The following ADAM17 variants were observed in gnomAD, a reference collection of about 807,000 sequenced individuals.
ADAM17 encodes the protein disintegrin and metalloproteinase domain-containing protein 17.
In ADAM17, 39 loss-of-function variants were observed where a neutral mutation model predicts 96.7. The ratio of observed to expected loss-of-function variants is 0.40; its 90% CI spans 0.31 to 0.53. The LOEUF (loss-of-function observed/expected upper bound fraction) is 0.53, where lower values mean the gene tolerates loss of function less well. Among genes scored for constraint, ADAM17 ranks in the 20% least tolerant of loss-of-function variants. ADAM17 has a pLI of 0.44. For synonymous variants in ADAM17, 344 were observed against 359.2 expected, an observed-to-expected ratio of 0.96 and a Z score of 0.48; for missense variants, 777 against 1,013.2, an observed-to-expected ratio of 0.77 and a Z score of 3.17.
At chr2:9,494,847 A>G (rs758880988) in intron 14 of ADAM17, 80 bp from the exon 15 acceptor site, 8 of 1,545,056 alleles carry the variant, frequency 5.2e-6, no homozygotes, top group South Asian at 4.7e-5. Flanking sequence ...CTCCCTGACC[A>G]TGCTCCCAAA....
intron 13 of ADAM17, among the ~76,000 whole-genome samples, chr2:9,500,467 T>C (rs1662932597): frequency 6.6e-6 from 1 of 152,192 alleles, no homozygotes; most frequent in Non-Finnish European, 1.5e-5. Flanking sequence ...AATGTAAATG[T>C]TCTAAAATTA....
At chr2:9,521,539 A>G (rs921700384) in intron 7 of ADAM17, 3 of 217,474 alleles carry the variant, frequency 1.4e-5, no homozygotes, top group South Asian at 1.4e-4. Flanking sequence ...AATATTATAA[A>G]TGTACTCTTA....
chr2:9,490,073 C>CTAAG lies in ADAM17; in HGVS notation c.*100_*103dup. ...AGTTCAAACACATGACCAGCATCTG[C>CTAAG]TAAGTCACTTCCCAGTCTTCACAAA... On this transcript the variant is annotated 3_prime_UTR_variant, in exon 19 of 19. Coordinates refer to ENST00000310823, the MANE Select transcript of ADAM17 (RefSeq NM_003183.6). The CTAAG allele has an allele frequency of 1.8e-6, 2 of 1,116,568 alleles. No homozygotes were observed. Among genetic ancestry groups the CTAAG allele is most frequent in the Admixed American group, 2.7e-5 (1 of 37,384 alleles). The allele number at this position is 1,116,568 out of a possible 1,614,324, so 69.2% of individuals were successfully genotyped here.
chr2:9,491,833 C>T (rs529475915), intron 17 of ADAM17, among the ~76,000 whole-genome samples: 8 of 152,190 alleles, frequency 5.3e-5, no homozygotes, highest in Non-Finnish European at 8.8e-5. Flanking sequence ...TCCCTCCTAT[C>T]GGAGGCTTTG....
At position 9,488,501 on chromosome 2, in the gene ADAM17, A is replaced by AT. The variant is rs1661770941; in HGVS notation, c.*1675dup. ...CTTAGGTCCATTGTGTTTCGACAGT[A>AT]TTTATTAATGCAGATATCAGTGCTA... On this transcript the variant is annotated 3_prime_UTR_variant, in exon 19 of 19. Coordinates refer to ENST00000310823, the MANE Select transcript of ADAM17 (RefSeq NM_003183.6). The AT allele has an allele frequency of 2.0e-6, 1 of 494,822 alleles. No homozygotes were observed. The highest frequency in any genetic ancestry group is 3.5e-6 in the Non-Finnish European group (1 of 286,308). 30.7% of individuals were successfully genotyped at this position (494,822 alleles called of 1,614,324 possible).
chr2:9,496,311 G>A (rs1296157432), intron 14 of ADAM17: 1 of 151,630 alleles, frequency 6.6e-6, no homozygotes, highest in Non-Finnish European at 1.5e-5. Context: ...TTTATTTTTA[G>A]TAGAGACAGC....
intron 12 of ADAM17, among the ~76,000 whole-genome samples, chr2:9,504,081 G>A (rs773951654): frequency 6.6e-5 from 10 of 151,968 alleles, no homozygotes; most frequent in Admixed American, 2.0e-4. Flanking sequence ...AGCCTGGGAG[G>A]TTGAGGCTGC....
intron 12 of ADAM17, among the ~76,000 whole-genome samples, chr2:9,503,435 A>G (rs972252251): frequency 6.6e-5 from 10 of 152,246 alleles, no homozygotes; most frequent in African/African-American, 2.4e-4. Context: ...TAACATTCAT[A>G]TCCCAAGACT....
intron 13 of ADAM17, among the ~76,000 whole-genome samples, chr2:9,497,654 G>GCTA (rs1662712278): frequency 6.6e-6 from 1 of 152,178 alleles, no homozygotes; most frequent in African/African-American, 2.4e-5. Flanking sequence ...CACTGCTTTG[G>GCTA]CTATGACAAC....
chr2:9,519,728 T>A (rs1309451431), intron 8 of ADAM17, among the ~76,000 whole-genome samples: 2 of 152,080 alleles, frequency 1.3e-5, no homozygotes, highest in Non-Finnish European at 2.9e-5. Flanking sequence ...ACACACACAC[T>A]GAGGGAAGGA....
chr2:9,493,834 A>T lies in ADAM17; in HGVS notation c.1915-9T>A. 3 of 1,610,806 alleles carry T rather than the reference A, an allele frequency of 1.9e-6. No individual in the cohort carries two copies. The highest frequency in any genetic ancestry group is 2.5e-6 in the Non-Finnish European group (3 of 1,177,290). On this transcript the variant is annotated splice_polypyrimidine_tract_variant and intron_variant, in intron 15 of 18. Coordinates refer to ENST00000310823, the MANE Select transcript of ADAM17 (RefSeq NM_003183.6). ...CGTTTCTCACATTTGCCCTATGAAG[A>T]AAAAACATACATACAGCATCATTCC...
intron 10 of ADAM17, chr2:9,512,420 G>A (rs1409273677): frequency 6.6e-6 from 1 of 152,202 alleles, no homozygotes; most frequent in African/African-American, 2.4e-5. Context: ...ACACATGTAT[G>A]TTTCTGTCCA....
chr2:9,533,428 T>C (rs1664833565), intron 4 of ADAM17, among the ~76,000 whole-genome samples: 1 of 151,752 alleles, frequency 6.6e-6, no homozygotes, highest in African/African-American at 2.4e-5. Flanking sequence ...GCACCTGTAA[T>C]CCCAGCTACT....
intron 12 of ADAM17, among the ~76,000 whole-genome samples, chr2:9,504,579 C>T (rs1663255299): frequency 6.6e-6 from 1 of 151,874 alleles, no homozygotes; most frequent in South Asian, 2.1e-4. Flanking sequence ...ATCCTGGCCA[C>T]CGTAGTGAAA....
intron 4 of ADAM17, among the ~76,000 whole-genome samples, chr2:9,531,807 A>G (rs1664751009): frequency 6.6e-6 from 1 of 151,480 alleles, no homozygotes; most frequent in Non-Finnish European, 1.5e-5. Flanking sequence ...ACGGTTTAAA[A>G]TATTTAACGG....
At chr2:9,525,299 G>GA (rs374286925) in intron 6 of ADAM17, among the ~76,000 whole-genome samples, 8,184 of 123,290 alleles carry the variant, frequency 0.066, 794 homozygotes, top group African/African-American at 0.22. Context: ...ACTCTGTGTT[G>GA]AAAAAAAAAA....
rs1169907449 is a variant in ADAM17, at chr2:9,536,828, C to T, written c.231G>A (p.Arg77=). 3 of 1,612,888 alleles carry T rather than the reference C, an allele frequency of 1.9e-6. No individual in the cohort carries two copies. Among genetic ancestry groups the T allele is most frequent in the Admixed American group, 1.7e-5 (1 of 59,862 alleles). Residue 77 remains arginine (R), a splice_region_variant and synonymous_variant, in exon 3 of 19, where the codon AGG becomes AGA. Coordinates refer to ENST00000310823, the MANE Select transcript of ADAM17 (RefSeq NM_003183.6). ...ETLLTFSALK[R]HFKLYLTSST... is the part of the protein sequence containing the mutation. Reference sequence around the variant, plus strand: ...TTGATGTCAGGTATAATTTAAAATGCCTGAAGAAAAATGCATTCATATTTT... The same window carrying T: ...TTGATGTCAGGTATAATTTAAAATGTCTGAAGAAAAATGCATTCATATTTT...
At chr2:9,527,301 A>AC (rs996235263) in intron 5 of ADAM17, among the ~76,000 whole-genome samples, 1 of 147,766 alleles carries the variant, frequency 6.8e-6, no homozygotes, top group African/African-American at 2.5e-5. Flanking sequence ...ACAAAACAAA[A>AC]CAAAACAAAA....
In ADAM17 at chr2:9,491,135, T is replaced by G. The variant is rs1457136318; in HGVS notation, c.2099A>C (p.Lys700Thr). 6.2e-7 allele frequency: 1 copy of G among 1,613,134 alleles called. No individual in the cohort carries two copies. Among genetic ancestry groups the G allele is most frequent in the Non-Finnish European group, 8.5e-7 (1 of 1,179,242 alleles). The change falls in exon 18 of 19, where the codon AAA becomes ACA. Residue 700 changes from lysine (K) to threonine (T), a missense_variant. Physicochemically the swap from Lys to Thr is moderately conservative, Grantham distance 78. This residue lies in a region of ADAM17 where 197 missense variants were observed against 219.4 expected (regional missense o/e 0.90). Transcript: ENST00000310823. ...LVHCVDKKLDKQYESLSLFHP... is the reference protein window; with the variant it reads ...LVHCVDKKLDTQYESLSLFHP... The stretch of plus-strand genomic sequence containing the variant: ...AAACAGAGACAGAGATTCATACTGT[T>G]TATCCAATTTCTTATCCTAGAAAGA...
Sources: gnomAD v4.1 joint callset for allele counts (sites outside exome capture counted in the v4.1 genomes callset) on GRCh38, gnomAD v4.1.1 for gene constraint, gnomAD v4.1.1 regional missense constraint, MANE v1.5 for transcripts, NCBI Gene and HGNC (gene_info 2026-07-23, HGNC 2026-07-21) for gene names.